ZNRF3: variants seen among roughly 807,000 people sequenced by gnomAD.
The protein encoded by ZNRF3 is E3 ubiquitin-protein ligase ZNRF3.
Under a neutral mutation model 72.5 loss-of-function variants are expected in ZNRF3, and 23 were observed. The ratio of observed to expected loss-of-function variants is 0.32; its 90% CI spans 0.23 to 0.45. ZNRF3 has a LOEUF of 0.45. Ranked by LOEUF, ZNRF3 falls within the 20% of genes least tolerant of loss-of-function variation. The pLI is 1.00. For synonymous variants in ZNRF3, 610 were observed against 545.3 expected (o/e 1.12, Z -1.65); for missense variants, 1,169 against 1,272.1 (o/e 0.92, Z 1.23).
intron 2 of ZNRF3, among the ~76,000 whole-genome samples, chr22:29,027,541 G>A (rs988373640): frequency 7.2e-5 from 11 of 152,088 alleles, no homozygotes; most frequent in Non-Finnish European, 1.5e-5. Flanking sequence ...GAGCCACCAT[G>A]CCTGGCCCCC....
chr22:28,966,867 C>CTTTTTTTTTT lies in ZNRF3; in HGVS notation c.301-20196_301-20187dup, dbSNP rs530036984. 1.5e-4 allele frequency among the ~76,000 whole-genome samples: 15 copies of CTTTTTTTTTT among 102,432 alleles called. 1 individual carries two copies. Among genetic ancestry groups the CTTTTTTTTTT allele is most frequent in the African/African-American group, 5.6e-4 (14 of 25,036 alleles). The allele number at this position is 102,432 out of a possible 152,430, so 67.2% of individuals were successfully genotyped here. ...GTTACAGGCACATAGTTTTAAAAAT[C>CTTTTTTTTTT]TTTTTTTTTTTTTTTTTTTTTTGAG... On this transcript the variant is annotated intron_variant, in intron 1 of 8. Coordinates refer to ENST00000544604, the MANE Select transcript of ZNRF3 (RefSeq NM_001206998.2).
chr22:28,917,467 C>T, intron 1 of ZNRF3: 1 of 984,810 alleles, frequency 1.0e-6, no homozygotes, highest in South Asian at 4.7e-5. Context: ...GGAAGGATCC[C>T]CTCATTTCAA....
chr22:28,987,083 C>T lies in ZNRF3; in HGVS notation c.308C>T (p.Pro103Leu). The T allele has an allele frequency of 6.2e-7, 1 of 1,611,758 alleles. No individual in the cohort carries two copies. The highest frequency in any genetic ancestry group is 8.5e-7 in the Non-Finnish European group (1 of 1,179,148). ...SAEGEIVQMH[P>L]LGLCNNNDEE... ...TTCCATTTTATTTCCTAGATGCACC[C>T]ACTGGGCCTATGTAATAACAATGAC... Residue 103 changes from proline (P) to leucine (L), a missense_variant, in exon 2 of 9, where the codon CCA becomes CTA. Coordinates refer to ENST00000544604, the MANE Select transcript of ZNRF3 (RefSeq NM_001206998.2).
chr22:28,897,942 G>C (rs2034030696), intron 1 of ZNRF3, among the ~76,000 whole-genome samples: 2 of 152,098 alleles, frequency 1.3e-5, no homozygotes, highest in Non-Finnish European at 2.9e-5. Context: ...AAAAAGGCTT[G>C]GCTTTTTTTC....
chr22:29,012,865 C>T (rs2036369092), intron 2 of ZNRF3, among the ~76,000 whole-genome samples: 1 of 152,142 alleles, frequency 6.6e-6, no homozygotes, highest in Non-Finnish European at 1.5e-5. Flanking sequence ...CTGGTTGGTA[C>T]CCTGCTTTAA....
chr22:28,915,367 T>G (rs2034390416), intron 1 of ZNRF3, among the ~76,000 whole-genome samples: 1 of 152,250 alleles, frequency 6.6e-6, no homozygotes. Context: ...CCCACCTATA[T>G]GACCTGCTTT....
chr22:28,926,809 A>AAG (rs1350961061), intron 1 of ZNRF3, among the ~76,000 whole-genome samples: 1 of 151,440 alleles, frequency 6.6e-6, no homozygotes, highest in Non-Finnish European at 1.5e-5. Context: ...AAAAAAAAAA[A>AAG]AAAAGAAAAG....
rs1391586241 is a variant in ZNRF3, at chr22:29,055,286, G to A, written c.*1664G>A. On this transcript the variant is annotated 3_prime_UTR_variant, in exon 9 of 9. Transcript: ENST00000544604. ...TATTTATTTATTCATTCATTCATCA[G>A]ATATTTGTTGCCATCTGAAAGAACT... 1 of 152,080 alleles carries A rather than the reference G, an allele frequency of 6.6e-6. No individual in the cohort carries two copies. The highest frequency in any genetic ancestry group is 6.6e-5 in the Admixed American group (1 of 15,266). 9.4% of individuals were successfully genotyped at this position (152,080 alleles called of 1,614,324 possible).
chr22:29,023,765 T>C (rs2036577312), intron 2 of ZNRF3, among the ~76,000 whole-genome samples: 1 of 152,216 alleles, frequency 6.6e-6, no homozygotes, highest in African/African-American at 2.4e-5. Context: ...ATTTGGCTCA[T>C]CAGTCTTTCC....
intron 1 of ZNRF3, among the ~76,000 whole-genome samples, chr22:28,911,854 G>T (rs1601548989): frequency 6.6e-6 from 1 of 152,084 alleles, no homozygotes; most frequent in African/African-American, 2.4e-5. Context: ...GGTCCTTTAG[G>T]ATTAGGCAAT....
At chr22:29,052,568 C>A (rs1337677821) in intron 8 of ZNRF3, among the ~76,000 whole-genome samples, 1 of 152,044 alleles carries the variant, frequency 6.6e-6, no homozygotes, top group Non-Finnish European at 1.5e-5. Flanking sequence ...TGGCGTGTGC[C>A]TGTAGTTCTA....
intron 1 of ZNRF3, among the ~76,000 whole-genome samples, chr22:28,975,633 A>G (rs756451426): frequency 1.3e-3 from 195 of 151,184 alleles, no homozygotes; most frequent in Non-Finnish European, 2.4e-3. Context: ...GCTCCTTGGG[A>G]GGCTGAGGCA....
intron 2 of ZNRF3, among the ~76,000 whole-genome samples, chr22:28,997,988 TA>T (rs557887667): frequency 0.04 from 4,649 of 115,310 alleles, 127 homozygotes; most frequent in African/African-American, 0.087. Flanking sequence ...CCTGGCTCTT[TA>T]AAAAAAAAAA....
intron 1 of ZNRF3, among the ~76,000 whole-genome samples, chr22:28,973,953 C>CTT (rs553300044): frequency 0.013 from 1,392 of 111,296 alleles, 5 homozygotes; most frequent in Non-Finnish European, 0.017. Context: ...CTCTCTCTCT[C>CTT]TTTTTTTTTT....
At position 29,056,017 on chromosome 22, in the gene ZNRF3, G is replaced by A. The variant is rs2037291262; in HGVS notation, c.*2395G>A. ...TGAACAAGTGATAGCTGCAGATGGC[G>A]AAAGAAACCCATTTAATTTTTGTAG... On this transcript the variant is annotated 3_prime_UTR_variant, in exon 9 of 9. Transcript: ENST00000544604. 1.3e-5 allele frequency: 2 copies of A among 151,900 alleles called. No homozygotes were observed. The highest frequency in any genetic ancestry group is 6.6e-5 in the Admixed American group (1 of 15,252). 9.4% of individuals were successfully genotyped at this position (151,900 alleles called of 1,614,324 possible). A position where few individuals can be genotyped will look rare whatever the true frequency, so the allele number is the denominator to read the frequency against.
At chr22:29,009,042 G>A (rs1365951116) in intron 2 of ZNRF3, among the ~76,000 whole-genome samples, 1 of 152,184 alleles carries the variant, frequency 6.6e-6, no homozygotes, top group Admixed American at 6.5e-5. Context: ...CAGCTTTGCA[G>A]TGCCCACAGC....
chr22:29,049,886 G>A lies in ZNRF3; in HGVS notation c.1705G>A (p.Val569Ile). The change falls in exon 8 of 9, where the codon GTA becomes ATA. Residue 569 changes from valine to isoleucine, a missense_variant. Coordinates refer to ENST00000544604, the MANE Select transcript of ZNRF3 (RefSeq NM_001206998.2). This position sits in a 1 kb window ranked among gnomAD's most constrained non-coding sequence, Gnocchi z 5.2. ...CCACTGTTCCTCCAGTGACTCTGTG[G>A]TAGACTGCACTGAGGTCAGCAACCA... The part of the protein sequence containing the change: ...QCHCSSSDSV[V>I]DCTEVSNQGV... 6.2e-7 allele frequency: 1 copy of A among 1,604,178 alleles called. No homozygotes were observed. Among genetic ancestry groups the A allele is most frequent in the Non-Finnish European group, 8.5e-7 (1 of 1,174,922 alleles).
intron 2 of ZNRF3, among the ~76,000 whole-genome samples, chr22:29,012,603 G>A (rs181293282): frequency 1.3e-5 from 2 of 152,326 alleles, no homozygotes; most frequent in Admixed American, 1.3e-4. Context: ...TGAAAACAAA[G>A]ACATACCTTT....
chr22:28,988,590 G>A (rs1246480755), intron 2 of ZNRF3, among the ~76,000 whole-genome samples: 1 of 152,164 alleles, frequency 6.6e-6, no homozygotes, highest in African/African-American at 2.4e-5. Flanking sequence ...GGTGTTTTAG[G>A]TGGCTCAGGC....
Sources: gnomAD v4.1 joint callset for allele counts (sites outside exome capture counted in the v4.1 genomes callset) on GRCh38, gnomAD v4.1.1 for gene constraint, Gnocchi (gnomAD v3.1) non-coding constraint, MANE v1.5 for transcripts, NCBI Gene and HGNC (gene_info 2026-07-23, HGNC 2026-07-21) for gene names.